KSR2: variants seen among roughly 807,000 people sequenced by gnomAD.
KSR2 encodes the protein kinase suppressor of ras 2.
In KSR2, 25 loss-of-function variants were observed where a neutral mutation model predicts 107.8. The observed-to-expected ratio is 0.23, with a 90% CI of 0.17 to 0.32. The LOEUF is 0.32. Among genes scored for constraint, KSR2 ranks in the 10% least tolerant of loss-of-function variants. The pLI is 1.00. For synonymous variants in KSR2, 480 were observed against 507.0 expected (o/e 0.95, Z 0.71); for missense variants, 887 against 1,268.9 (o/e 0.70, Z 4.57).
chr12:117,585,027 G>A (rs1879906260), intron 5 of KSR2, among the ~76,000 whole-genome samples: 1 of 152,212 alleles, frequency 6.6e-6, no homozygotes, highest in South Asian at 2.1e-4. Flanking sequence ...AATGTCTGGG[G>A]ACATTTTTGG....
chr12:117,811,417 A>G (rs1838823), intron 3 of KSR2, among the ~76,000 whole-genome samples: 42,306 of 152,116 alleles, frequency 0.28, 7,070 homozygotes, highest in East Asian at 0.51. Flanking sequence ...GCAACACCTG[A>G]GGACTTGCTA....
intron 4 of KSR2, among the ~76,000 whole-genome samples, chr12:117,754,458 T>C (rs923271590): frequency 6.6e-6 from 1 of 151,492 alleles, no homozygotes; most frequent in African/African-American, 2.4e-5. Context: ...ATCAACATGG[T>C]GAAATCCCGT....
At chr12:117,765,739 A>C (rs1889203384) in intron 3 of KSR2, among the ~76,000 whole-genome samples, 1 of 152,174 alleles carries the variant, frequency 6.6e-6, no homozygotes. Context: ...ACAGAGACAA[A>C]ACAAGTGTTG....
intron 1 of KSR2, among the ~76,000 whole-genome samples, chr12:117,881,329 A>G (rs7295136): frequency 0.39 from 59,919 of 152,018 alleles, 14,483 homozygotes; most frequent in East Asian, 0.87. Flanking sequence ...AGGGGGCTTG[A>G]TGAGGAAGAG....
rs560614317 is a variant in KSR2, at chr12:117,920,291, T to C, written c.180+47785A>G. Among the ~76,000 whole-genome samples, 265 of 152,048 alleles carry C rather than the reference T, an allele frequency of 1.7e-3. 1 individual carries two copies. The highest frequency in any genetic ancestry group is 6.1e-3 in the African/African-American group (253 of 41,456). The stretch of plus-strand genomic sequence containing the variant: ...TTTTTCTATTTTTTGTAGAGATGAG[T>C]GTCTCACTATGTTGCCCAGGCTGGT... On this transcript the variant is annotated intron_variant, in intron 1 of 19. Transcript: ENST00000339824.
chr12:117,611,193 GC>G (rs1881576913), intron 5 of KSR2, among the ~76,000 whole-genome samples: 2 of 152,054 alleles, frequency 1.3e-5, no homozygotes, highest in Non-Finnish European at 2.9e-5. Context: ...CATCTCTCTT[GC>G]CTCTCTTCCT....
chr12:117,910,104 G>A (rs550359395), intron 1 of KSR2, among the ~76,000 whole-genome samples: 1 of 152,142 alleles, frequency 6.6e-6, no homozygotes, highest in South Asian at 2.1e-4. Context: ...GGTGGTGTGT[G>A]CCTGAAGTCC....
intron 3 of KSR2, among the ~76,000 whole-genome samples, chr12:117,821,059 G>T (rs1197917025): frequency 6.6e-6 from 1 of 152,146 alleles, no homozygotes; most frequent in Non-Finnish European, 1.5e-5. Context: ...GCCTATCTGA[G>T]CCTCAGTTTC....
intron 4 of KSR2, among the ~76,000 whole-genome samples, chr12:117,747,361 C>T (rs1376506156): frequency 2.0e-5 from 3 of 151,108 alleles, no homozygotes; most frequent in Non-Finnish European, 2.9e-5. Flanking sequence ...CATGTTCTCA[C>T]TCATACGTGG....
intron 12 of KSR2, among the ~76,000 whole-genome samples, chr12:117,527,525 GA>G (rs1165782696): frequency 6.6e-6 from 1 of 152,210 alleles, no homozygotes; most frequent in African/African-American, 2.4e-5. Flanking sequence ...TGTTTGCCAG[GA>G]AAGAATTAAT....
chr12:117,941,845 G>T (rs1227076148), intron 1 of KSR2, among the ~76,000 whole-genome samples: 1 of 128,798 alleles, frequency 7.8e-6, no homozygotes, highest in Non-Finnish European at 1.6e-5. Flanking sequence ...GTTTCACCAC[G>T]CTGGCCAGGC....
intron 1 of KSR2, among the ~76,000 whole-genome samples, chr12:117,882,038 A>T (rs1178564426): frequency 6.6e-6 from 1 of 152,166 alleles, no homozygotes; most frequent in Non-Finnish European, 1.5e-5. Context: ...AAGCAACTGT[A>T]AGTCTCAGGA....
intron 5 of KSR2, among the ~76,000 whole-genome samples, chr12:117,632,348 C>T (rs1882848699): frequency 6.6e-6 from 1 of 150,828 alleles, no homozygotes; most frequent in Non-Finnish European, 1.5e-5. Context: ...CCTCAGCCTC[C>T]CAAGCAGCTG....
At chr12:117,570,006 T>A (rs879388059) in intron 7 of KSR2, among the ~76,000 whole-genome samples, 48 of 134,710 alleles carry the variant, frequency 3.6e-4, no homozygotes, top group Non-Finnish European at 6.0e-4. Context: ...TCTGCAGACT[T>A]TTTTTTTTTT....
chr12:117,762,542 G>C (rs958287243), intron 3 of KSR2, among the ~76,000 whole-genome samples: 4 of 152,152 alleles, frequency 2.6e-5, no homozygotes, highest in African/African-American at 9.7e-5. Flanking sequence ...ATTGGTGCTG[G>C]GAGGGAAATA....
At chr12:117,592,771 G>A (rs1880402452) in intron 5 of KSR2, among the ~76,000 whole-genome samples, 1 of 152,204 alleles carries the variant, frequency 6.6e-6, no homozygotes, top group African/African-American at 2.4e-5. Flanking sequence ...TCTTCCTTGT[G>A]GGGATGATGG....
chr12:117,519,532 A>G (rs939557911), intron 14 of KSR2, among the ~76,000 whole-genome samples: 1 of 152,008 alleles, frequency 6.6e-6, no homozygotes, highest in Non-Finnish European at 1.5e-5. Context: ...ACATAATTTT[A>G]GAGTTCTACA....
chr12:117,941,907 T>C (rs1412910813), intron 1 of KSR2, among the ~76,000 whole-genome samples: 1 of 149,822 alleles, frequency 6.7e-6, no homozygotes, highest in Non-Finnish European at 1.5e-5. Flanking sequence ...CCTCCCAGAG[T>C]GCTGGGATTA....
chr12:117,552,977 T>G (rs1469035690), intron 9 of KSR2, among the ~76,000 whole-genome samples: 1 of 152,218 alleles, frequency 6.6e-6, no homozygotes, highest in Non-Finnish European at 1.5e-5. Context: ...ATTCCTGACC[T>G]ACAGATTCTG....
Sources: allele counts gnomAD v4.1 joint callset (sites outside exome capture counted in the v4.1 genomes callset), GRCh38; gene constraint gnomAD v4.1.1; transcripts MANE v1.5; gene names NCBI Gene and HGNC (gene_info 2026-07-23, HGNC 2026-07-21).